IPCEF1: variants seen among roughly 807,000 people sequenced by gnomAD.
IPCEF1 encodes interactor protein for cytohesin exchange factors 1.
Under a neutral mutation model 50.9 loss-of-function variants are expected in IPCEF1, and 31 were observed. The ratio of observed to expected loss-of-function variants is 0.61; its 90% CI spans 0.46 to 0.82. The LOEUF is 0.82. IPCEF1 is among the 40% of genes least tolerant of loss of function. The pLI, the probability that IPCEF1 is intolerant of heterozygous loss-of-function variation, is 0.00. For synonymous variants in IPCEF1, 181 were observed against 192.0 expected (o/e 0.94, Z 0.47); for missense variants, 458 against 514.0 (o/e 0.89, Z 1.05).
intron 10 of IPCEF1, among the ~76,000 whole-genome samples, chr6:154,180,823 G>C (rs1800809044): frequency 6.6e-6 from 1 of 152,060 alleles, no homozygotes; most frequent in Non-Finnish European, 1.5e-5. Flanking sequence ...TTTCAGATTA[G>C]GAATGTCTAA....
chr6:154,247,954 C>T (rs988024686), intron 3 of IPCEF1, among the ~76,000 whole-genome samples: 1 of 152,166 alleles, frequency 6.6e-6, no homozygotes, highest in African/African-American at 2.4e-5. Context: ...CTATTCAGCT[C>T]ATAGTCCTGC....
In IPCEF1 at chr6:154,305,029, G is replaced by A. The variant is rs188180863; in HGVS notation, c.-61-15273C>T. 3.3e-3 allele frequency among the ~76,000 whole-genome samples: 496 copies of A among 152,014 alleles called. 1 individual carries two copies. The highest frequency in any genetic ancestry group is 6.8e-3 in the Middle Eastern group (2 of 294). On this transcript the variant is annotated intron_variant, in intron 1 of 11. Coordinates refer to ENST00000367220, the MANE Select transcript of IPCEF1 (RefSeq NM_001130700.2). ...CTCGGGAGGCTGAGGCAGGAGAATC[G>A]CTTGAGCCCAGGAGGCGGAGGTTGC... is the stretch of plus-strand genomic sequence containing the variant.
intron 2 of IPCEF1, among the ~76,000 whole-genome samples, chr6:154,286,275 T>C (rs1386355163): frequency 2.0e-5 from 3 of 152,192 alleles, no homozygotes; most frequent in African/African-American, 4.8e-5. Flanking sequence ...GACGGGTTGA[T>C]AGATGCAGCA....
At chr6:154,252,771 C>T (rs1183620180) in intron 3 of IPCEF1, among the ~76,000 whole-genome samples, 4 of 152,084 alleles carry the variant, frequency 2.6e-5, no homozygotes, top group Non-Finnish European at 5.9e-5. Context: ...AAGACCAATC[C>T]GAGTGGGTTG....
chr6:154,297,214 A>G (rs1243996177), intron 1 of IPCEF1, among the ~76,000 whole-genome samples: 2 of 151,934 alleles, frequency 1.3e-5, no homozygotes, highest in Admixed American at 1.3e-4. Context: ...TAATGTTTGT[A>G]TTTTTTGTAA....
intron 1 of IPCEF1, among the ~76,000 whole-genome samples, chr6:154,349,483 T>C (rs972431988): frequency 2.0e-5 from 3 of 152,002 alleles, no homozygotes; most frequent in Non-Finnish European, 4.4e-5. Context: ...CACCTCAGCC[T>C]CCCAAAGTGC....
intron 1 of IPCEF1, among the ~76,000 whole-genome samples, chr6:154,347,025 T>C (rs1784043548): frequency 6.6e-6 from 1 of 152,200 alleles, no homozygotes; most frequent in Non-Finnish European, 1.5e-5. Flanking sequence ...AGCTTTGATC[T>C]GGAAGTGTCT....
intron 1 of IPCEF1, among the ~76,000 whole-genome samples, chr6:154,293,863 G>A (rs1562582567): frequency 6.6e-6 from 1 of 152,212 alleles, no homozygotes; most frequent in Non-Finnish European, 1.5e-5. Flanking sequence ...GGGCAAGACA[G>A]GGAGCAGCAA....
chr6:154,168,017 G>A lies in IPCEF1; in HGVS notation c.1007C>T (p.Thr336Ile), dbSNP rs1255514604. 8.1e-6 allele frequency: 13 copies of A among 1,611,392 alleles called. No homozygotes were observed. The highest frequency in any genetic ancestry group is 1.1e-5 in the Non-Finnish European group (13 of 1,178,126). ...AAAGGATTTTCTCAACTCCTTTTTA[G>A]TCGAAGGTCGTCGGTCCCCAAGAGG... is the stretch of plus-strand genomic sequence containing the variant. ...LSPLGDRRPS[T>I]KKELRKSFVK... The change falls in exon 11 of 12, where the codon ACT (threonine) becomes ATT (isoleucine). Residue 336 changes from threonine (T) to isoleucine (I), a missense_variant. Transcript: ENST00000367220. The surrounding 1 kb of genome is among the most constrained non-coding windows in gnomAD (Gnocchi z 4.1).
intron 5 of IPCEF1, among the ~76,000 whole-genome samples, chr6:154,224,391 T>G (rs1353379777): frequency 6.6e-6 from 1 of 152,152 alleles, no homozygotes; most frequent in Non-Finnish European, 1.5e-5. Context: ...ATTATTCACC[T>G]GAAATGCCTT....
At chr6:154,310,993 A>G (rs1562284016) in intron 1 of IPCEF1, among the ~76,000 whole-genome samples, 1 of 152,206 alleles carries the variant, frequency 6.6e-6, no homozygotes. Context: ...CAGAATTGTT[A>G]AAAGAATTTA....
Position 154,154,790 on chromosome 6 carries a change from T to C in IPCEF1, c.*5038A>G, listed in dbSNP as rs1241754577. On this transcript the variant is annotated 3_prime_UTR_variant, in exon 12 of 12. Transcript: ENST00000367220. ...CATAAAGCAGGAGAGAAATGAGCCA[T>C]GCCTCTTTTTCAGTTTAGAGGGGTA... is the stretch of plus-strand genomic sequence containing the variant. The C allele has an allele frequency of 2.0e-5, 3 of 152,598 alleles. No homozygotes were observed. Among genetic ancestry groups the C allele is most frequent in the Non-Finnish European group, 4.4e-5 (3 of 68,030 alleles). 9.5% of individuals were successfully genotyped at this position (152,598 alleles called of 1,614,324 possible).
At chr6:154,331,407 G>GAAAGAA (rs1554225595) in intron 1 of IPCEF1, among the ~76,000 whole-genome samples, 5,828 of 130,698 alleles carry the variant, frequency 0.045, 222 homozygotes, top group East Asian at 0.14. Flanking sequence ...AAGAAAGAAA[G>GAAAGAA]AGAGAGAAAA....
At chr6:154,162,848 C>A (rs994140179) in intron 11 of IPCEF1, among the ~76,000 whole-genome samples, 4 of 152,170 alleles carry the variant, frequency 2.6e-5, no homozygotes, top group African/African-American at 9.7e-5. Context: ...CCACATCAAC[C>A]CCTAAGAGGC....
At chr6:154,170,824 C>A (rs1179424740) in intron 10 of IPCEF1, among the ~76,000 whole-genome samples, 2 of 152,054 alleles carry the variant, frequency 1.3e-5, no homozygotes, top group African/African-American at 4.8e-5. Context: ...AAATTGGAAC[C>A]CTCATACATT....
intron 1 of IPCEF1, among the ~76,000 whole-genome samples, chr6:154,337,449 CT>C (rs1783811025): frequency 6.6e-6 from 1 of 152,184 alleles, no homozygotes; most frequent in Non-Finnish European, 1.5e-5. Flanking sequence ...GTCACACTTA[CT>C]CAAAGCCCCA....
intron 2 of IPCEF1, among the ~76,000 whole-genome samples, chr6:154,275,720 G>A (rs1006731442): frequency 6.6e-6 from 1 of 151,990 alleles, no homozygotes; most frequent in African/African-American, 2.4e-5. Flanking sequence ...ACACCAAAGT[G>A]AGCAGCTATA....
At chr6:154,308,915 A>G (rs1414150541) in intron 1 of IPCEF1, among the ~76,000 whole-genome samples, 2 of 152,274 alleles carry the variant, frequency 1.3e-5, no homozygotes, top group African/African-American at 4.8e-5. Flanking sequence ...TCTGCAACTC[A>G]GGAACACAAG....
At chr6:154,186,844 C>A (rs1583742278) in intron 10 of IPCEF1, among the ~76,000 whole-genome samples, 1 of 152,286 alleles carries the variant, frequency 6.6e-6, no homozygotes, top group African/African-American at 2.4e-5. Context: ...ACGTGAGCCA[C>A]CACGCCCGGC....
Sources: allele counts gnomAD v4.1 joint callset (sites outside exome capture counted in the v4.1 genomes callset), GRCh38; gene constraint gnomAD v4.1.1; non-coding constraint Gnocchi (gnomAD v3.1); transcripts MANE v1.5; gene names NCBI Gene and HGNC (gene_info 2026-07-23, HGNC 2026-07-21).